Variants in KCNAB2 observed in about 807,000 individuals in gnomAD.
KCNAB2 encodes voltage-gated potassium channel subunit beta-2.
In KCNAB2, 29 loss-of-function variants were observed where a neutral mutation model predicts 63.6. The ratio of observed to expected loss-of-function variants is 0.46; its 90% CI spans 0.34 to 0.62. The LOEUF is 0.62. KCNAB2 is among the 20% of genes least tolerant of loss of function. The pLI is 0.01. For missense variants in KCNAB2, 359 were observed against 563.9 expected (o/e 0.64, Z 3.68); for synonymous variants, 222 against 224.2 (o/e 0.99, Z 0.09).
At chr1:6,021,261 G>C (rs1475628795) in intron 1 of KCNAB2, among the ~76,000 whole-genome samples, 1 of 152,214 alleles carries the variant, frequency 6.6e-6, no homozygotes, top group Non-Finnish European at 1.5e-5. Context: ...GGCTCCCAAA[G>C]TGCTGAGATT....
At chr1:6,066,027 C>G (rs544151619) in intron 2 of KCNAB2, among the ~76,000 whole-genome samples, 1 of 152,226 alleles carries the variant, frequency 6.6e-6, no homozygotes, top group Admixed American at 6.5e-5. Context: ...CCCAAGGGGA[C>G]AGGGGACGCA....
In KCNAB2 at chr1:6,087,543, C is replaced by T; in HGVS notation, c.470+32C>T. Reference sequence around the variant, plus strand: ...GCAACAGCTGGCGATGCTTCCAGCCCCGGCCCAGCAGCCACGGCCCCGTGC... The same window carrying T: ...GCAACAGCTGGCGATGCTTCCAGCCTCGGCCCAGCAGCCACGGCCCCGTGC... On this transcript the variant is annotated intron_variant, in intron 7 of 15. Transcript: ENST00000378083. The surrounding 1 kb of genome is among the most constrained non-coding windows in gnomAD (Gnocchi z 6.4). 1 of 1,612,822 alleles carries T rather than the reference C, an allele frequency of 6.2e-7. No homozygotes were observed. Among genetic ancestry groups the T allele is most frequent in the Admixed American group, 1.7e-5 (1 of 60,018 alleles).
At chr1:6,042,837 C>CG (rs1660607343), upstream of KCNAB2, among the ~76,000 whole-genome samples, 2 of 36,576 alleles carry the variant, frequency 5.5e-5, no homozygotes, top group Admixed American at 5.9e-4. Flanking sequence ...CGCGCCCCCA[C>CG]TCCCCACCCC....
chr1:6,057,310 G>A (rs1661923817), intron 2 of KCNAB2, among the ~76,000 whole-genome samples: 2 of 152,200 alleles, frequency 1.3e-5, no homozygotes, highest in Admixed American at 6.5e-5. Context: ...GGTTCACCAG[G>A]AAGTACTTGG....
intron 10 of KCNAB2, 124 bp downstream of exon 10, chr1:6,091,431 G>T (rs1665177605): frequency 1.4e-6 from 1 of 723,152 alleles, no homozygotes. Flanking sequence ...CATAAAGAGG[G>T]GAAAGAGCAC....
At chr1:6,067,153 G>A (rs545682499) in intron 2 of KCNAB2, among the ~76,000 whole-genome samples, 2 of 152,206 alleles carry the variant, frequency 1.3e-5, no homozygotes, top group Non-Finnish European at 2.9e-5. Context: ...TGAGTCCAGA[G>A]CCTTGATTGC....
At chr1:6,060,480 G>T (rs1372978470) in intron 2 of KCNAB2, among the ~76,000 whole-genome samples, 3 of 152,142 alleles carry the variant, frequency 2.0e-5, no homozygotes, top group African/African-American at 7.2e-5. Flanking sequence ...AACATCCTCT[G>T]CCCTTCCTTG....
At chr1:6,021,540 A>T (rs554203221) in intron 1 of KCNAB2, among the ~76,000 whole-genome samples, 1 of 152,206 alleles carries the variant, frequency 6.6e-6, no homozygotes. Context: ...TTAAGTGTAC[A>T]GTTCAGTGGT....
intron 1 of KCNAB2, among the ~76,000 whole-genome samples, chr1:6,013,667 C>T (rs980739263): frequency 1.3e-5 from 2 of 152,182 alleles, no homozygotes; most frequent in African/African-American, 4.8e-5. Flanking sequence ...CCCTACACCC[C>T]GCATCTGTCC....
chr1:6,046,207 C>A, intron 1 of KCNAB2, 24 bp downstream of exon 1: 2 of 985,310 alleles, frequency 2.0e-6, no homozygotes. Flanking sequence ...TCAGCCGCTA[C>A]CTTCCTAGTG....
At chr1:5,999,509 G>C (rs368424897) in intron 1 of KCNAB2, among the ~76,000 whole-genome samples, 6 of 152,182 alleles carry the variant, frequency 3.9e-5, no homozygotes, top group Admixed American at 3.9e-4. Context: ...AGGGCTTTGC[G>C]GGGGTTTCTG....
At position 6,069,270 on chromosome 1, in the gene KCNAB2, TTCACCTGA is replaced by T. The variant is rs1663002995; in HGVS notation, c.219-3480_219-3473del. ...CTAGCCAAGGCCACGGTGCTTGCCC[TTCACCTGA>T]TCACAGTTTTGTCCTCTGCCCAGGT... On this transcript the variant is annotated intron_variant, in intron 2 of 15. Coordinates refer to ENST00000378083, the MANE Select transcript of KCNAB2 (RefSeq NM_001199862.2). The surrounding 1 kb of genome is among the most constrained non-coding windows in gnomAD (Gnocchi z 5.4). Among the ~76,000 whole-genome samples the T allele has an allele frequency of 6.6e-6, 1 of 152,190 alleles. No individual in the cohort carries two copies. Among genetic ancestry groups the T allele is most frequent in the Non-Finnish European group, 1.5e-5 (1 of 68,036 alleles).
At chr1:6,047,503 C>T (rs1283373146) in intron 1 of KCNAB2, among the ~76,000 whole-genome samples, 1 of 152,156 alleles carries the variant, frequency 6.6e-6, no homozygotes, top group Non-Finnish European at 1.5e-5. Context: ...TGTACAGAGT[C>T]CTGGCATGGG....
intron 10 of KCNAB2, 62 bp from the exon 11 acceptor site, chr1:6,094,338 C>G: frequency 3.1e-6 from 4 of 1,286,396 alleles, no homozygotes; most frequent in Non-Finnish European, 4.4e-6. Context: ...TGCAGAATGT[C>G]CCGAGGCTGG....
At chr1:6,041,716 G>C, upstream of KCNAB2, 1 of 887,662 alleles carries the variant, frequency 1.1e-6, no homozygotes, top group Non-Finnish European at 1.8e-6. Flanking sequence ...GGGCCCGGGG[G>C]CATGGGACAT....
intron 2 of KCNAB2, among the ~76,000 whole-genome samples, chr1:6,062,553 G>A (rs895691333): frequency 1.3e-5 from 2 of 152,180 alleles, no homozygotes; most frequent in African/African-American, 4.8e-5. Flanking sequence ...ACACCAAGAT[G>A]ACCACATGCA....
rs1304743070 is a variant in KCNAB2, at chr1:6,097,258, C to T, written c.1070-11C>T. The T allele has an allele frequency of 6.5e-6, 10 of 1,534,698 alleles. No individual in the cohort carries two copies. The highest frequency in any genetic ancestry group is 8.8e-6 in the Non-Finnish European group (10 of 1,136,444). ...GGTGTTTCTCCCTCACCTTGGGTCT[C>T]GCCGCCACAGCCTGGTGCCTGAGGA... is the stretch of plus-strand genomic sequence containing the variant. On this transcript the variant is annotated splice_polypyrimidine_tract_variant and intron_variant, in intron 14 of 15. Coordinates refer to ENST00000378083, the MANE Select transcript of KCNAB2 (RefSeq NM_001199862.2).
chr1:6,090,732 C>T (rs577288239), intron 9 of KCNAB2, among the ~76,000 whole-genome samples: 2 of 152,298 alleles, frequency 1.3e-5, no homozygotes, highest in Non-Finnish European at 1.5e-5. Flanking sequence ...GGACCCAGGC[C>T]GATCCGCCCT....
At chr1:6,070,410 A>T (rs1048374697) in intron 2 of KCNAB2, among the ~76,000 whole-genome samples, 2 of 152,304 alleles carry the variant, frequency 1.3e-5, no homozygotes, top group East Asian at 3.9e-4. Flanking sequence ...GACCAGGCTT[A>T]TGTGGAATGT....
Sources: gnomAD v4.1 joint callset for allele counts (sites outside exome capture counted in the v4.1 genomes callset) on GRCh38, gnomAD v4.1.1 for gene constraint, Gnocchi (gnomAD v3.1) non-coding constraint, MANE v1.5 for transcripts, NCBI Gene and HGNC (gene_info 2026-07-23, HGNC 2026-07-21) for gene names.